The following NEB variants were observed in gnomAD, a reference collection of about 807,000 sequenced individuals.
NEB encodes nemaline myopathy type 2.
NEB carries 512 observed loss-of-function variants against 952.2 expected under a neutral mutation model. The observed-to-expected ratio is 0.54, with a 90% CI of 0.50 to 0.58. The LOEUF (loss-of-function observed/expected upper bound fraction) is 0.58, where lower values mean the gene tolerates loss of function less well. NEB is among the 20% of genes least tolerant of loss of function. The pLI is 0.00. For missense variants in NEB, 8,428 were observed against 9,231.1 expected (o/e 0.91, Z 3.56); for synonymous variants, 2,900 against 3,149.8 (o/e 0.92, Z 2.66).
In NEB at chr2:151,619,584, C is replaced by A. The variant is rs1022930654; in HGVS notation, c.10739G>T (p.Gly3580Val). ...CTGACACTTCTTGGCCAAAACGATA[C>A]CAAGCATGTCCACTGGGCTGCTGTA... is the stretch of plus-strand genomic sequence containing the variant. ...TRYSSPVDML[G>V]IVLAKKCQTL... is the part of the protein sequence containing the mutation. Residue 3580 changes from glycine to valine, a missense_variant, in exon 73 of 182, where the codon GGT (glycine) becomes GTT (valine). Around this residue, in one of 11 missense-constraint regions of NEB, gnomAD observed 1,772 missense variants for 1,960.3 expected, o/e 0.90. Transcript: ENST00000397345. The A allele has an allele frequency of 6.2e-7, 1 of 1,613,926 alleles. No individual in the cohort carries two copies. The highest frequency in any genetic ancestry group is 2.2e-5 in the East Asian group (1 of 44,880).
At position 151,706,969 on chromosome 2, in the gene NEB, T is replaced by C; in HGVS notation, c.1064A>G (p.Asn355Ser). 6.3e-7 allele frequency: 1 copy of C among 1,592,606 alleles called. No homozygotes were observed. The highest frequency in any genetic ancestry group is 8.6e-7 in the Non-Finnish European group (1 of 1,167,668). Residue 355 changes from asparagine to serine, a missense_variant, in exon 13 of 182, where the codon AAT (asparagine) becomes AGT (serine). Coordinates refer to ENST00000397345, the MANE Select transcript of NEB (RefSeq NM_001164508.2). The stretch of plus-strand genomic sequence containing the variant: ...CACATTATAATCTGCTTTTCCTTTA[T>C]TCTTTTCATAGTCTTCTTTGTATTT... ...KVKYKEDYEK[N>S]KGKADYNVLP...
At position 151,614,514 on chromosome 2, in the gene NEB, T is replaced by C; in HGVS notation, c.11363A>G (p.Lys3788Arg). ...IGARNIKDDPKMMWSIHVAKI... is the reference protein window; with the variant it reads ...IGARNIKDDPRMMWSIHVAKI... ...GGCCACATGGATGGACCACATCATC[T>C]TCGGGTCATCCTTAATGTTCCGGGC... is the stretch of plus-strand genomic sequence containing the variant. The change falls in exon 77 of 182, where the codon AAG becomes AGG. Residue 3788 changes from lysine (K) to arginine (R), a missense_variant. By Grantham distance (26) the Lys-to-Arg change is conservative. Coordinates refer to ENST00000397345, the MANE Select transcript of NEB (RefSeq NM_001164508.2). 1.2e-6 allele frequency: 2 copies of C among 1,613,910 alleles called. No individual in the cohort carries two copies. The highest frequency in any genetic ancestry group is 1.7e-6 in the Non-Finnish European group (2 of 1,179,852).
Position 151,552,652 on chromosome 2 carries a change from C to A in NEB, c.19836+20G>T, listed in dbSNP as rs751375256. The stretch of plus-strand genomic sequence containing the variant: ...CCCTGCTTTATTACTGTCCACTTAA[C>A]TTCCCCAGTGATCACTTACGTCACT... On this transcript the variant is annotated intron_variant, in intron 128 of 181. Coordinates refer to ENST00000397345, the MANE Select transcript of NEB (RefSeq NM_001164508.2). The A allele has an allele frequency of 6.3e-7, 1 of 1,576,648 alleles. No homozygotes were observed. The highest frequency in any genetic ancestry group is 1.1e-5 in the South Asian group (1 of 89,288).
rs1460283559 is a variant in NEB at position 151,643,284 on chromosome 2, C to T, written c.8026G>A (p.Glu2676Lys). 1.2e-6 allele frequency: 2 copies of T among 1,613,914 alleles called. No homozygotes were observed. Among genetic ancestry groups the T allele is most frequent in the Admixed American group, 3.3e-5 (2 of 60,030 alleles). Residue 2676 changes from glutamate (E) to lysine (K), a missense_variant, in exon 58 of 182, where the codon GAG becomes AAG. Glu to Lys is a moderately conservative substitution (Grantham distance 56). Coordinates refer to ENST00000397345, the MANE Select transcript of NEB (RefSeq NM_001164508.2). ...ATCTGGGTGGCTCGTTTATTTTTCT[C>T]ATCCTCGAGAGAACCACTAGTCATC... ...GWMTSGSLEDEKNKRATQILS... is the reference protein window; with the variant it reads ...GWMTSGSLEDKKNKRATQILS...
chr2:151,496,842 A>G, intron 172 of NEB, 99 bp downstream of exon 172: 1 of 1,351,516 alleles, frequency 7.4e-7, no homozygotes, highest in Non-Finnish European at 1.0e-6. Flanking sequence ...GAAGTTCACA[A>G]AATTTGTCTT....
rs191722579 is a variant in NEB, at chr2:151,529,281, A to T, written c.21664T>A (p.Ser7222Thr). ...GCATCTGGCTCAATGGTGCAGTTGG[A>T]TTTATTTCTTTGGTATACTTCTTTG... ...KYKEVYQRNK[S>T]NCTIEPDAVH... is the part of the protein sequence containing the mutation. Residue 7222 changes from serine (S) to threonine (T), a missense_variant, in exon 146 of 182, where the codon TCC (serine) becomes ACC (threonine). Physicochemically the swap from Ser to Thr is moderately conservative, Grantham distance 58. Around this residue, in one of 11 missense-constraint regions of NEB, gnomAD observed 3,374 missense variants for 3,651.5 expected, o/e 0.92. Coordinates refer to ENST00000397345, the MANE Select transcript of NEB (RefSeq NM_001164508.2). 412 of 1,613,420 alleles carry T rather than the reference A, an allele frequency of 2.6e-4. No homozygotes were observed. Among genetic ancestry groups the T allele is most frequent in the Non-Finnish European group, 3.0e-4 (351 of 1,179,428 alleles).
At chr2:151,627,945 A>C in intron 68 of NEB, 111 bp from the exon 69 acceptor site, 1 of 1,347,506 alleles carries the variant, frequency 7.4e-7, no homozygotes. Flanking sequence ...GAGTAATGAA[A>C]GAATCTGCAT....
In NEB at chr2:151,538,261, C is replaced by A. The variant is rs749009922; in HGVS notation, c.20893-17G>T. 1.7e-5 allele frequency: 27 copies of A among 1,560,338 alleles called. No individual in the cohort carries two copies. Among genetic ancestry groups the A allele is most frequent in the Non-Finnish European group, 2.1e-5 (24 of 1,132,574 alleles). On this transcript the variant is annotated splice_polypyrimidine_tract_variant and intron_variant, in intron 138 of 181. Coordinates refer to ENST00000397345, the MANE Select transcript of NEB (RefSeq NM_001164508.2). The stretch of plus-strand genomic sequence containing the variant: ...GTAGCGTAGCTAGAAAGAGAAAAAA[C>A]ACATGAATTACAAAAAAACTACCAA...
chr2:151,673,991 A>C (rs1237234539), intron 36 of NEB, among the ~76,000 whole-genome samples: 1 of 152,098 alleles, frequency 6.6e-6, no homozygotes, highest in Non-Finnish European at 1.5e-5. Context: ...AAAGGAGTAG[A>C]AGTGTATACT....
chr2:151,682,493 T>A (rs1167812193), intron 29 of NEB, among the ~76,000 whole-genome samples, 169 bp downstream of exon 29: 1 of 152,218 alleles, frequency 6.6e-6, no homozygotes, highest in Non-Finnish European at 1.5e-5. Context: ...ATGATTTTGG[T>A]AATATAAAGG....
chr2:151,505,879 A>C (rs2068466882), intron 164 of NEB: 1 of 544,634 alleles, frequency 1.8e-6, no homozygotes, highest in Non-Finnish European at 3.3e-6. Context: ...TAGGATAAAC[A>C]GATTGACATA....
chr2:151,614,627 TTA>T (rs1192534999), intron 76 of NEB, 40 bp from the exon 77 acceptor site: 1 of 1,554,910 alleles, frequency 6.4e-7, no homozygotes, highest in Non-Finnish European at 8.8e-7. Flanking sequence ...CAAGAACATC[TTA>T]TATAATCATG....
chr2:151,537,347 A>G, intron 140 of NEB, 111 bp from the exon 141 acceptor site: 1 of 626,734 alleles, frequency 1.6e-6, no homozygotes, highest in Non-Finnish European at 2.8e-6. Flanking sequence ...GGTATATAAA[A>G]TAATAAAGTA....
At position 151,547,698 on chromosome 2, in the gene NEB, A is replaced by T; in HGVS notation, c.20198T>A (p.Ile6733Asn). ...RELYHKLKDKIHTTPDTPEIR... is the reference protein window; with the variant it reads ...RELYHKLKDKNHTTPDTPEIR... ...CTCAGGGGTATCGGGAGTTGTATGG[A>T]TCTTGTCTTTCAGTTTGTGGTACAA... The change falls in exon 132 of 182, where the codon ATC becomes AAC. Residue 6733 changes from isoleucine to asparagine, a missense_variant. By Grantham distance (149) the Ile-to-Asn change is moderately radical. Around this residue, in one of 11 missense-constraint regions of NEB, gnomAD observed 3,374 missense variants for 3,651.5 expected, o/e 0.92. Transcript: ENST00000397345. 1 of 1,613,544 alleles carries T rather than the reference A, an allele frequency of 6.2e-7. No individual in the cohort carries two copies. Among genetic ancestry groups the T allele is most frequent in the Non-Finnish European group, 8.5e-7 (1 of 1,179,786 alleles).
intron 12 of NEB, among the ~76,000 whole-genome samples, chr2:151,709,240 A>G (rs2099736514): frequency 1.3e-5 from 2 of 152,196 alleles, no homozygotes; most frequent in Non-Finnish European, 2.9e-5. Context: ...AAGGCCACCA[A>G]TTGCCTCTTC....
chr2:151,641,528 G>A (rs1477564980), intron 60 of NEB, among the ~76,000 whole-genome samples: 1 of 152,058 alleles, frequency 6.6e-6, no homozygotes, highest in Non-Finnish European at 1.5e-5. Flanking sequence ...ATAGTGCCTT[G>A]CTATGTTGAC....
rs957360285 is a variant in NEB, at chr2:151,485,535, G to A, written c.*225C>T. On this transcript the variant is annotated 3_prime_UTR_variant, in exon 182 of 182. Coordinates refer to ENST00000397345, the MANE Select transcript of NEB (RefSeq NM_001164508.2). ...AATAATGTTAAAACATGTTTATAAT[G>A]GAGAAAGACTCTAGGCACAGAAATA... 4 of 393,590 alleles carry A rather than the reference G, an allele frequency of 1.0e-5. No homozygotes were observed. Among genetic ancestry groups the A allele is most frequent in the Admixed American group, 4.2e-5 (1 of 23,582 alleles). The allele number at this position is 393,590 out of a possible 1,614,324, so 24.4% of individuals were successfully genotyped here.
At chr2:151,636,720 G>T (rs550094523) in intron 63 of NEB, among the ~76,000 whole-genome samples, 1 of 152,152 alleles carries the variant, frequency 6.6e-6, no homozygotes, top group Non-Finnish European at 1.5e-5. Context: ...GGCGGAAGTT[G>T]CAGTGAGCTG....
In NEB at chr2:151,504,729, T is replaced by C. The variant is rs148843950; in HGVS notation, c.23742+749A>G. Reference sequence around the variant, plus strand: ...AGCCAACACCTGCCTAGAATCTGCGTATGGATGGGAAAAGGGGTGGGTGCA... The same window carrying C: ...AGCCAACACCTGCCTAGAATCTGCGCATGGATGGGAAAAGGGGTGGGTGCA... On this transcript the variant is annotated intron_variant, in intron 165 of 181. Coordinates refer to ENST00000397345, the MANE Select transcript of NEB (RefSeq NM_001164508.2). Among the ~76,000 whole-genome samples the C allele has an allele frequency of 1.4e-4, 22 of 152,270 alleles. No individual in the cohort carries two copies. In the East Asian group the frequency reaches 3.7e-3, roughly 25 times the overall value.
Sources: gnomAD v4.1 joint callset for allele counts (sites outside exome capture counted in the v4.1 genomes callset) on GRCh38, gnomAD v4.1.1 for gene constraint, gnomAD v4.1.1 regional missense constraint, MANE v1.5 for transcripts, NCBI Gene and HGNC (gene_info 2026-07-23, HGNC 2026-07-21) for gene names.